The following TNFSF8 variants were observed in gnomAD, a reference collection of about 807,000 sequenced individuals.
The protein encoded by TNFSF8 is tumor necrosis factor ligand superfamily member 8.
Under a neutral mutation model 22.0 loss-of-function variants are expected in TNFSF8, and 4 were observed. The observed-to-expected ratio is 0.18, with a 90% confidence interval of 0.09 to 0.42. The LOEUF is 0.42. Among genes scored for constraint, TNFSF8 ranks in the 10% least tolerant of loss-of-function variants. TNFSF8 has a pLI of 1.00. For synonymous variants in TNFSF8, 106 were observed against 112.5 expected, an observed-to-expected ratio of 0.94 and a Z score of 0.37; for missense variants, 233 against 281.8, an observed-to-expected ratio of 0.83 and a Z score of 1.24.
chr9:114,930,432 C>CAGGCAGCAGGTGAAGG lies in TNFSF8; in HGVS notation c.-130_-129insCCTTCACCTGCTGCCT. 1 of 725,342 alleles carries CAGGCAGCAGGTGAAGG rather than the reference C, an allele frequency of 1.4e-6. No homozygotes were observed. The highest frequency in any genetic ancestry group is 2.0e-6 in the Non-Finnish European group (1 of 507,740). The allele number at this position is 725,342 out of a possible 1,614,324, so 44.9% of individuals were successfully genotyped here. ...ATGTGACTTGGAAAAAAACCTTCAC[C>CAGGCAGCAGGTGAAGG]TGCTGCCTGGTGGAGAAACTCTTCT... On this transcript the variant is annotated 5_prime_UTR_variant, in exon 1 of 4. An upstream open reading frame in the 5' UTR gains an earlier in-frame stop. Coordinates refer to ENST00000223795, the MANE Select transcript of TNFSF8 (RefSeq NM_001244.4).
chr9:114,893,826 G>A, exon 5 of TNFSF8: 1 of 447,868 alleles, frequency 2.2e-6, no homozygotes, highest in South Asian at 2.6e-5. Context: ...TTAATTCTGG[G>A]AAGGAAATGA....
intron 2 of TNFSF8, among the ~76,000 whole-genome samples, chr9:114,914,341 C>T (rs1827891157): frequency 6.6e-6 from 1 of 152,198 alleles, no homozygotes; most frequent in South Asian, 2.1e-4. Flanking sequence ...ACCCCAAATC[C>T]TTCTGTAGAT....
chr9:114,923,495 T>TTTCC (rs1174146286), intron 1 of TNFSF8, among the ~76,000 whole-genome samples: 4 of 77,820 alleles, frequency 5.1e-5, no homozygotes, highest in African/African-American at 4.0e-4. Context: ...TCTTTCTTTC[T>TTTCC]TTCTTTCTTT....
At chr9:114,911,639 T>C (rs991604490) in intron 2 of TNFSF8, among the ~76,000 whole-genome samples, 1 of 152,124 alleles carries the variant, frequency 6.6e-6, no homozygotes, top group African/African-American at 2.4e-5. Flanking sequence ...ATGAACACAC[T>C]TAGTGCTGAC....
intron 1 of TNFSF8, among the ~76,000 whole-genome samples, chr9:114,923,069 A>G (rs559073330): frequency 3.0e-4 from 46 of 152,226 alleles, no homozygotes; most frequent in Middle Eastern, 3.4e-3. Context: ...TCTAGTTTGA[A>G]GATGGCAGTG....
At chr9:114,915,963 G>C (rs926989990) in intron 2 of TNFSF8, among the ~76,000 whole-genome samples, 4 of 152,204 alleles carry the variant, frequency 2.6e-5, no homozygotes, top group Admixed American at 2.0e-4. Flanking sequence ...TCATGGTCCA[G>C]ATAAGAAGAA....
At chr9:114,926,554 C>T (rs1443203978) in intron 1 of TNFSF8, among the ~76,000 whole-genome samples, 4 of 152,172 alleles carry the variant, frequency 2.6e-5, no homozygotes, top group African/African-American at 9.7e-5. Context: ...TCACCAGGCA[C>T]AGATAAATTA....
At chr9:114,926,534 T>C (rs1036557797) in intron 1 of TNFSF8, among the ~76,000 whole-genome samples, 1 of 152,188 alleles carries the variant, frequency 6.6e-6, no homozygotes, top group Non-Finnish European at 1.5e-5. Flanking sequence ...AGAGAAAACA[T>C]TGATGTCTCT....
At chr9:114,894,115 C>G in exon 5 of TNFSF8, 1 of 1,535,288 alleles carries the variant, frequency 6.5e-7, no homozygotes, top group Non-Finnish European at 8.7e-7. Flanking sequence ...AGTGTCCCTT[C>G]CCAGAGTCCA....
intron 2 of TNFSF8, among the ~76,000 whole-genome samples, chr9:114,913,978 T>TG (rs1359753526): frequency 6.6e-6 from 1 of 152,136 alleles, no homozygotes; most frequent in African/African-American, 2.4e-5. Flanking sequence ...TATCATTTGG[T>TG]GGGGTGATTT....
downstream of TNFSF8, among the ~76,000 whole-genome samples, chr9:114,898,714 A>G (rs544116106): frequency 1.3e-5 from 2 of 152,296 alleles, no homozygotes; most frequent in East Asian, 3.9e-4. Flanking sequence ...GTTGCAGAGA[A>G]CAGACTTCGC....
At chr9:114,913,323 G>A (rs1827875073) in intron 2 of TNFSF8, among the ~76,000 whole-genome samples, 1 of 152,202 alleles carries the variant, frequency 6.6e-6, no homozygotes, top group Admixed American at 6.5e-5. Flanking sequence ...CTGGTAGGCA[G>A]TGGGGAAGGA....
chr9:114,897,872 A>G (rs1329128806), downstream of TNFSF8, among the ~76,000 whole-genome samples: 1 of 152,160 alleles, frequency 6.6e-6, no homozygotes, highest in African/African-American at 2.4e-5. Flanking sequence ...TAGTGACTGG[A>G]GCGTGGAATG....
At chr9:114,929,942 G>A (rs1057299955) in intron 1 of TNFSF8, among the ~76,000 whole-genome samples, 167 bp downstream of exon 1, 7 of 146,016 alleles carry the variant, frequency 4.8e-5, no homozygotes, top group African/African-American at 1.5e-4. Context: ...AGTGTATTAC[G>A]TTATACAGTA....
At position 114,902,688 on chromosome 9, in the gene TNFSF8, G is replaced by C. The variant is rs1827732280; in HGVS notation, c.*1243C>G. On this transcript the variant is annotated 3_prime_UTR_variant, in exon 4 of 4. Transcript: ENST00000223795. ...CTTCAATTATATACTGGGGTAGGGG[G>C]GCCTTATTTTGGTTGGAGAGCTTCC... 1.0e-6 allele frequency: 1 copy of C among 985,202 alleles called. No individual in the cohort carries two copies. The highest frequency in any genetic ancestry group is 4.7e-5 in the South Asian group (1 of 21,286). 61.0% of individuals were successfully genotyped at this position (985,202 alleles called of 1,614,324 possible).
intron 2 of TNFSF8, among the ~76,000 whole-genome samples, chr9:114,906,778 A>G (rs1827790504): frequency 6.6e-6 from 1 of 152,140 alleles, no homozygotes; most frequent in Non-Finnish European, 1.5e-5. Flanking sequence ...TTATTACAGT[A>G]ACTACTTAAT....
chr9:114,905,822 A>G lies in TNFSF8; in HGVS notation c.310+6T>C. On this transcript the variant is annotated splice_donor_region_variant and intron_variant, in intron 3 of 3. Coordinates refer to ENST00000223795, the MANE Select transcript of TNFSF8 (RefSeq NM_001244.4). ...ATGTTTAGGTTTCCTGGGCTTGGTTACTGACCTTGGAGGTAGGCCCATGAC... is the reference window on the plus strand; with the variant it reads ...ATGTTTAGGTTTCCTGGGCTTGGTTGCTGACCTTGGAGGTAGGCCCATGAC... The G allele has an allele frequency of 6.2e-7, 1 of 1,608,014 alleles. No individual in the cohort carries two copies. The highest frequency in any genetic ancestry group is 8.5e-7 in the Non-Finnish European group (1 of 1,174,606).
downstream of TNFSF8, among the ~76,000 whole-genome samples, chr9:114,900,595 T>A (rs1724756810): frequency 6.6e-6 from 1 of 152,178 alleles, no homozygotes; most frequent in Non-Finnish European, 1.5e-5. Context: ...TTCCCTGCTC[T>A]CGCCCCGGTC....
At chr9:114,915,312 G>A (rs1195930937) in intron 2 of TNFSF8, among the ~76,000 whole-genome samples, 1 of 152,048 alleles carries the variant, frequency 6.6e-6, no homozygotes, top group East Asian at 1.9e-4. Flanking sequence ...CTCATAAAGG[G>A]TCAAAGCTGG....
Sources: allele counts gnomAD v4.1 joint callset (sites outside exome capture counted in the v4.1 genomes callset), GRCh38; gene constraint gnomAD v4.1.1; transcripts MANE v1.5; gene names NCBI Gene and HGNC (gene_info 2026-07-23, HGNC 2026-07-21).